Variants in NTM observed in about 807,000 individuals in gnomAD.
The protein encoded by NTM is neurotrimin.
A neutral mutation model predicts 42.1 loss-of-function variants in NTM; 13 were observed. The observed-to-expected ratio is 0.31, with a 90% CI of 0.20 to 0.49. The LOEUF is 0.49. NTM is among the 20% of genes least tolerant of loss of function. The pLI is 0.99. For synonymous variants in NTM, 187 were observed against 179.2 expected (o/e 1.04, Z -0.35); for missense variants, 373 against 452.8 (o/e 0.82, Z 1.60).
At chr11:132,071,633 C>G (rs1033032129) in intron 2 of NTM, among the ~76,000 whole-genome samples, 1 of 152,120 alleles carries the variant, frequency 6.6e-6, no homozygotes, top group Non-Finnish European at 1.5e-5. Context: ...AGCTAAACTT[C>G]TAATGAAATG....
intron 2 of NTM, among the ~76,000 whole-genome samples, chr11:132,141,635 G>A (rs7112875): frequency 5.0e-4 from 76 of 152,212 alleles, no homozygotes; most frequent in African/African-American, 1.7e-3. Flanking sequence ...TGACACAGGT[G>A]GGGCACCCTC....
At chr11:131,966,563 G>C (rs545765354) in intron 2 of NTM, among the ~76,000 whole-genome samples, 1 of 152,252 alleles carries the variant, frequency 6.6e-6, no homozygotes, top group East Asian at 1.9e-4. Flanking sequence ...AATGATTAAC[G>C]CATTTTCCTA....
chr11:132,092,061 T>C (rs761057572), intron 2 of NTM, among the ~76,000 whole-genome samples: 12 of 152,348 alleles, frequency 7.9e-5, no homozygotes, highest in South Asian at 2.1e-4. Context: ...CTAGATCTTC[T>C]AGCAATGCTA....
chr11:132,323,686 A>G (rs1396555459), intron 7 of NTM, among the ~76,000 whole-genome samples: 1 of 152,192 alleles, frequency 6.6e-6, no homozygotes, highest in Non-Finnish European at 1.5e-5. Flanking sequence ...TGAGTCCAGC[A>G]TCATTCTGAT....
intron 1 of NTM, among the ~76,000 whole-genome samples, chr11:131,715,025 C>T (rs549709155): frequency 2.0e-5 from 3 of 152,146 alleles, no homozygotes; most frequent in Non-Finnish European, 2.9e-5. Flanking sequence ...TCTGTTTGTG[C>T]CTGAAATTGT....
At chr11:131,939,152 C>T (rs540068977) in intron 2 of NTM, among the ~76,000 whole-genome samples, 60 of 152,108 alleles carry the variant, frequency 3.9e-4, no homozygotes, top group African/African-American at 1.3e-3. Context: ...AATGGCGGAT[C>T]GGAGTCCTGA....
At chr11:131,468,061 G>C (rs1216517619) in intron 1 of NTM, among the ~76,000 whole-genome samples, 1 of 152,236 alleles carries the variant, frequency 6.6e-6, no homozygotes, top group East Asian at 1.9e-4. Context: ...GGATGACGTA[G>C]GGTCAGTGTG....
At chr11:132,310,311 T>C (rs2095242915) in intron 6 of NTM, 79 bp downstream of exon 6, 1 of 1,410,168 alleles carries the variant, frequency 7.1e-7, no homozygotes, top group Non-Finnish European at 9.5e-7. Flanking sequence ...TTCCACATTG[T>C]TGCAAACGAG....
intron 2 of NTM, among the ~76,000 whole-genome samples, chr11:131,997,676 C>G: frequency 6.6e-6 from 1 of 152,116 alleles, no homozygotes; most frequent in East Asian, 1.9e-4. Context: ...CGCTCTCTTT[C>G]TTTTTTCTTC....
chr11:131,837,935 C>G (rs1346965359), intron 1 of NTM, among the ~76,000 whole-genome samples: 1 of 152,192 alleles, frequency 6.6e-6, no homozygotes, highest in Non-Finnish European at 1.5e-5. Flanking sequence ...TAAATTTTCT[C>G]TAACACGAGT....
chr11:131,862,516 T>C (rs140662231), intron 1 of NTM, among the ~76,000 whole-genome samples: 1,529 of 152,304 alleles, frequency 0.01, 26 homozygotes, highest in African/African-American at 0.034. Context: ...ATGAACACAA[T>C]TGCCTAGTTG....
rs1181904113 is a variant in NTM at position 132,002,920 on chromosome 11, C to T, written c.167+91272C>T. On this transcript the variant is annotated intron_variant, in intron 2 of 8. Transcript: ENST00000683400. This position sits in a 1 kb window ranked among gnomAD's most constrained non-coding sequence, Gnocchi z 4.5. ...CATTATTACTGTTTACTGTTAATAACAGAAATTACTATTAAAAAAGAGGAA... is the reference window on the plus strand; with the variant it reads ...CATTATTACTGTTTACTGTTAATAATAGAAATTACTATTAAAAAAGAGGAA... 1.4e-5 allele frequency among the ~76,000 whole-genome samples: 2 copies of T among 145,972 alleles called. No individual in the cohort carries two copies. The highest frequency in any genetic ancestry group is 5.6e-5 in the African/African-American group (2 of 35,548).
chr11:131,458,529 G>C (rs1161630335), intron 1 of NTM, among the ~76,000 whole-genome samples: 1 of 152,080 alleles, frequency 6.6e-6, no homozygotes, highest in Non-Finnish European at 1.5e-5. Flanking sequence ...TACCCAACTG[G>C]ACTGATTTTC....
intron 1 of NTM, among the ~76,000 whole-genome samples, chr11:131,495,171 T>C (rs1177303806): frequency 6.6e-6 from 1 of 152,166 alleles, no homozygotes; most frequent in Non-Finnish European, 1.5e-5. Flanking sequence ...TTCACTGTTT[T>C]TGGGTCTTTG....
At chr11:131,722,538 G>A (rs550582951) in intron 1 of NTM, among the ~76,000 whole-genome samples, 2 of 152,314 alleles carry the variant, frequency 1.3e-5, no homozygotes, top group South Asian at 2.1e-4. Context: ...GAGGGTGAAG[G>A]AGGAAGATGA....
At chr11:132,221,712 C>T (rs1032452891) in intron 4 of NTM, among the ~76,000 whole-genome samples, 1 of 152,112 alleles carries the variant, frequency 6.6e-6, no homozygotes, top group Non-Finnish European at 1.5e-5. Flanking sequence ...TGCTCTGTGC[C>T]CAGCAATCTT....
At chr11:132,136,813 A>G (rs2068013007) in intron 2 of NTM, among the ~76,000 whole-genome samples, 1 of 152,006 alleles carries the variant, frequency 6.6e-6, no homozygotes, top group Non-Finnish European at 1.5e-5. Context: ...TCCAGGTCGG[A>G]TTCTGGGGTT....
At chr11:131,936,590 T>C (rs1161782416) in intron 2 of NTM, among the ~76,000 whole-genome samples, 3 of 152,234 alleles carry the variant, frequency 2.0e-5, no homozygotes, top group Admixed American at 2.0e-4. Flanking sequence ...TTCATCACTA[T>C]AAAATTCATC....
At chr11:131,836,697 TTAAA>T (rs1189142061) in intron 1 of NTM, among the ~76,000 whole-genome samples, 1 of 152,170 alleles carries the variant, frequency 6.6e-6, no homozygotes, top group Non-Finnish European at 1.5e-5. Flanking sequence ...TTTGTTTACT[TTAAA>T]TATGTGAAAA....
Sources: gnomAD v4.1 joint callset for allele counts (sites outside exome capture counted in the v4.1 genomes callset) on GRCh38, gnomAD v4.1.1 for gene constraint, Gnocchi (gnomAD v3.1) non-coding constraint, MANE v1.5 for transcripts, NCBI Gene and HGNC (gene_info 2026-07-23, HGNC 2026-07-21) for gene names.